The following RABGAP1L variants were observed in gnomAD, a reference collection of about 807,000 sequenced individuals.
RABGAP1L encodes the protein RAB GTPase activating protein 1 like.
A neutral mutation model predicts 137.7 loss-of-function variants in RABGAP1L; 63 were observed. The ratio of observed to expected loss-of-function variants is 0.46; its 90% CI spans 0.37 to 0.56. RABGAP1L has a LOEUF of 0.56. Ranked by LOEUF, RABGAP1L falls within the 20% of genes least tolerant of loss-of-function variation. The pLI is 0.00. For synonymous variants in RABGAP1L, 431 were observed against 433.7 expected (o/e 0.99, Z 0.08); for missense variants, 1,095 against 1,244.0 (o/e 0.88, Z 1.80).
intron 7 of RABGAP1L, among the ~76,000 whole-genome samples, chr1:174,264,443 T>G (rs10912752): frequency 0.064 from 9,706 of 152,176 alleles, 1,010 homozygotes; most frequent in African/African-American, 0.22. Context: ...TGACTTTAAA[T>G]ATATCTATGA....
intron 13 of RABGAP1L, among the ~76,000 whole-genome samples, chr1:174,550,949 C>CAT (rs1326219208): frequency 2.8e-5 from 3 of 108,090 alleles, no homozygotes; most frequent in East Asian, 2.2e-4. Flanking sequence ...TATATACACA[C>CAT]ATATATATAC....
At position 174,649,680 on chromosome 1, in the gene RABGAP1L, G is replaced by A. The variant is rs555795929; in HGVS notation, c.1824+12192G>A. 1.1e-3 allele frequency among the ~76,000 whole-genome samples: 161 copies of A among 152,222 alleles called. 1 individual carries two copies. Among genetic ancestry groups the A allele is most frequent in the African/African-American group, 3.7e-3 (152 of 41,520 alleles). ...AGAATGCTTGTGATTTTTGCACATTGATTTTGTATCCTGAGACTTTGCTGA... is the reference window on the plus strand; with the variant it reads ...AGAATGCTTGTGATTTTTGCACATTAATTTTGTATCCTGAGACTTTGCTGA... On this transcript the variant is annotated intron_variant, in intron 14 of 25. Coordinates refer to ENST00000681986, the MANE Select transcript of RABGAP1L (RefSeq NM_001366446.1).
intron 19 of RABGAP1L, among the ~76,000 whole-genome samples, chr1:174,821,548 C>T (rs3018408): frequency 0.87 from 132,734 of 152,188 alleles, 60,762 homozygotes; most frequent in East Asian, 1. Context: ...TTTTTTTTCT[C>T]CGAAGACCTC....
chr1:174,433,657 A>G (rs1558229752), intron 13 of RABGAP1L, among the ~76,000 whole-genome samples: 1 of 152,178 alleles, frequency 6.6e-6, no homozygotes. Flanking sequence ...CATGAGTCAG[A>G]TATACTGATT....
At chr1:174,691,835 T>A (rs1678896804) in intron 15 of RABGAP1L, among the ~76,000 whole-genome samples, 1 of 152,168 alleles carries the variant, frequency 6.6e-6, no homozygotes, top group African/African-American at 2.4e-5. Context: ...GCTTTTTTTT[T>A]AAGTAGGTAG....
chr1:174,514,998 T>C (rs537881692), intron 13 of RABGAP1L, among the ~76,000 whole-genome samples: 1 of 152,276 alleles, frequency 6.6e-6, no homozygotes, highest in East Asian at 1.9e-4. Flanking sequence ...ACATTATTCA[T>C]CCCATTATAT....
chr1:174,711,478 C>A (rs1680513346), intron 17 of RABGAP1L, among the ~76,000 whole-genome samples: 1 of 152,082 alleles, frequency 6.6e-6, no homozygotes, highest in Non-Finnish European at 1.5e-5. Flanking sequence ...GCTTGGCGGA[C>A]CCCGCACTCG....
At chr1:174,461,449 T>C (rs1656681209) in intron 13 of RABGAP1L, among the ~76,000 whole-genome samples, 1 of 152,226 alleles carries the variant, frequency 6.6e-6, no homozygotes, top group Non-Finnish European at 1.5e-5. Context: ...GCAAGCATGC[T>C]TGCAGGTCTG....
At chr1:174,905,863 G>GAAAAAGA in intron 19 of RABGAP1L, among the ~76,000 whole-genome samples, 1 of 150,206 alleles carries the variant, frequency 6.7e-6, no homozygotes, top group Non-Finnish European at 1.5e-5. Flanking sequence ...AAAAGAAAAA[G>GAAAAAGA]AAAAAGAAAA....
At chr1:174,390,122 C>T (rs986495650) in intron 12 of RABGAP1L, among the ~76,000 whole-genome samples, 8 of 152,126 alleles carry the variant, frequency 5.3e-5, no homozygotes, top group Non-Finnish European at 8.8e-5. Flanking sequence ...TTTATTAGTA[C>T]TTCTCAAGTG....
chr1:174,204,902 A>G (rs959373103), intron 1 of RABGAP1L, among the ~76,000 whole-genome samples: 2 of 151,998 alleles, frequency 1.3e-5, no homozygotes, highest in Admixed American at 6.6e-5. Context: ...ATGATTGTTA[A>G]GTTTTCTGAG....
At chr1:174,636,786 C>G (rs750106456) in intron 13 of RABGAP1L, among the ~76,000 whole-genome samples, 4 of 152,054 alleles carry the variant, frequency 2.6e-5, no homozygotes. Flanking sequence ...GTACATTCAT[C>G]AAAATTGGAA....
rs1680966705 is a variant in RABGAP1L at position 174,330,805 on chromosome 1, C to A, written c.1465+25678C>A. Among the ~76,000 whole-genome samples, 4 of 152,058 alleles carry A rather than the reference C, an allele frequency of 2.6e-5. 1 individual carries two copies. The South Asian group carries it at 8.3e-4, about 32-fold the overall frequency. On this transcript the variant is annotated intron_variant, in intron 11 of 25. Transcript: ENST00000681986. ...ATTCAGTGCAATTTCTATCAAAATT[C>A]CAATGACATTCTTCACAGAAATAGA...
At chr1:174,898,845 A>C (rs943302332) in intron 19 of RABGAP1L, among the ~76,000 whole-genome samples, 1 of 152,248 alleles carries the variant, frequency 6.6e-6, no homozygotes, top group Non-Finnish European at 1.5e-5. Context: ...TAGTGCTAAG[A>C]CTAAAAGAGC....
At chr1:174,498,542 T>C (rs974452965) in intron 13 of RABGAP1L, among the ~76,000 whole-genome samples, 8 of 152,068 alleles carry the variant, frequency 5.3e-5, no homozygotes, top group Non-Finnish European at 1.0e-4. Context: ...TTGCCCAGGC[T>C]GGAGTGCAGT....
At chr1:174,964,612 T>C (rs1034315713) in intron 20 of RABGAP1L, among the ~76,000 whole-genome samples, 6 of 152,204 alleles carry the variant, frequency 3.9e-5, no homozygotes, top group African/African-American at 1.4e-4. Flanking sequence ...TCCACCCAGC[T>C]TTAACAACAC....
chr1:174,781,990 A>C (rs535416918), intron 18 of RABGAP1L, among the ~76,000 whole-genome samples: 45 of 152,248 alleles, frequency 3.0e-4, no homozygotes, highest in African/African-American at 8.9e-4. Context: ...AATTTGAAGT[A>C]AGGTAGCGTG....
chr1:174,173,526 A>G (rs1208266678), intron 1 of RABGAP1L, among the ~76,000 whole-genome samples: 1 of 152,194 alleles, frequency 6.6e-6, no homozygotes, highest in African/African-American at 2.4e-5. Flanking sequence ...ACTTCCTCTC[A>G]AATTTGGATT....
At chr1:174,687,330 A>G (rs1183643998) in intron 15 of RABGAP1L, among the ~76,000 whole-genome samples, 1 of 152,208 alleles carries the variant, frequency 6.6e-6, no homozygotes, top group East Asian at 1.9e-4. Context: ...CACACTTTCT[A>G]CATTAATAGA....
Sources: gnomAD v4.1 joint callset for allele counts (sites outside exome capture counted in the v4.1 genomes callset) on GRCh38, gnomAD v4.1.1 for gene constraint, MANE v1.5 for transcripts, NCBI Gene and HGNC (gene_info 2026-07-23, HGNC 2026-07-21) for gene names.